Variants in FBXO36 observed in about 807,000 individuals in gnomAD.
The protein encoded by FBXO36 is F-box only protein 36.
FBXO36 carries 18 observed loss-of-function variants against 17.0 expected under a neutral mutation model. That is an observed-to-expected ratio of 1.06 (90% CI 0.73 to 1.57). The LOEUF is 1.57. Among genes scored for constraint, FBXO36 ranks in the 40% most tolerant of loss-of-function variants. The pLI is 0.00. For synonymous variants in FBXO36, 83 were observed against 85.3 expected, an observed-to-expected ratio of 0.97 and a Z score of 0.15; for missense variants, 229 against 221.9, an observed-to-expected ratio of 1.03 and a Z score of -0.20.
At chr2:229,961,900 G>T (rs867456609) in intron 1 of FBXO36, among the ~76,000 whole-genome samples, 7 of 152,036 alleles carry the variant, frequency 4.6e-5, no homozygotes, top group South Asian at 4.1e-4. Flanking sequence ...TAGGTTTTTG[G>T]CCAGGTATGG....
At chr2:230,009,682 C>T (rs1285186899) in intron 3 of FBXO36, among the ~76,000 whole-genome samples, 2 of 152,192 alleles carry the variant, frequency 1.3e-5, no homozygotes, top group African/African-American at 2.4e-5. Context: ...CGGTGGCTCA[C>T]GCCTGTAATC....
intron 1 of FBXO36, among the ~76,000 whole-genome samples, chr2:229,961,564 C>T (rs991591900): frequency 4.6e-5 from 7 of 151,936 alleles, no homozygotes; most frequent in African/African-American, 9.7e-5. Flanking sequence ...TTAGTAGAGA[C>T]GGGGTTTCAC....
At chr2:230,005,843 T>C (rs2077384488) in intron 3 of FBXO36, among the ~76,000 whole-genome samples, 1 of 152,098 alleles carries the variant, frequency 6.6e-6, no homozygotes, top group African/African-American at 2.4e-5. Flanking sequence ...AATTTTTGTA[T>C]TTTTAGTAGA....
intron 2 of FBXO36, among the ~76,000 whole-genome samples, chr2:229,979,999 A>G (rs2077229716): frequency 6.6e-6 from 1 of 152,144 alleles, no homozygotes; most frequent in African/African-American, 2.4e-5. Flanking sequence ...CTCACTATAA[A>G]GTAAACTTCC....
chr2:229,925,076 T>C lies in FBXO36; in HGVS notation c.96+2467T>C, dbSNP rs955438321. 4.6e-5 allele frequency among the ~76,000 whole-genome samples: 7 copies of C among 151,858 alleles called. No homozygotes were observed. In the East Asian group the frequency reaches 1.3e-3, roughly 29 times the overall value. Reference sequence around the variant, plus strand: ...ATCTTTCCCACCATCCCTTCAGTGTTCTTAATTTTTCTTTTTCTTTCTTTA... The same window carrying C: ...ATCTTTCCCACCATCCCTTCAGTGTCCTTAATTTTTCTTTTTCTTTCTTTA... On this transcript the variant is annotated intron_variant, in intron 1 of 3. Transcript: ENST00000283946.
At chr2:229,941,948 G>A (rs1034614274) in intron 1 of FBXO36, among the ~76,000 whole-genome samples, 12 of 151,926 alleles carry the variant, frequency 7.9e-5, no homozygotes, top group South Asian at 4.2e-4. Context: ...CCCAGGAGGC[G>A]GAGGTTGCAG....
intron 1 of FBXO36, among the ~76,000 whole-genome samples, chr2:229,953,722 G>A (rs973692502): frequency 1.3e-5 from 2 of 151,772 alleles, no homozygotes; most frequent in African/African-American, 4.8e-5. Flanking sequence ...GGGAAGGAGA[G>A]AGGAGGGAAA....
In FBXO36 at chr2:229,959,589, G is replaced by A. The variant is rs937686306; in HGVS notation, c.97-16652G>A. 1.3e-5 allele frequency among the ~76,000 whole-genome samples: 2 copies of A among 151,978 alleles called. 1 individual carries two copies. ...GGCTGGGCGCGGTGGCTCATGCCTGGAATCCGAGCACTTTGGGAGGCCGAG... is the reference window on the plus strand; with the variant it reads ...GGCTGGGCGCGGTGGCTCATGCCTGAAATCCGAGCACTTTGGGAGGCCGAG... On this transcript the variant is annotated intron_variant, in intron 1 of 3. Transcript: ENST00000283946.
At chr2:229,933,158 C>T (rs145789033) in intron 1 of FBXO36, among the ~76,000 whole-genome samples, 4 of 152,232 alleles carry the variant, frequency 2.6e-5, no homozygotes, top group South Asian at 2.1e-4. Flanking sequence ...TTTGGGAGGA[C>T]GAGGCGGGTG....
intron 1 of FBXO36, among the ~76,000 whole-genome samples, chr2:229,975,502 T>C (rs2077202800): frequency 1.3e-5 from 2 of 150,406 alleles, no homozygotes; most frequent in African/African-American, 2.4e-5. Context: ...AGGGTCTCAC[T>C]CTGTCACCCA....
rs1301062038 is a variant in FBXO36 at position 229,923,455 on chromosome 2, A to G, written c.96+846A>G. Among the ~76,000 whole-genome samples, 4 of 152,158 alleles carry G rather than the reference A, an allele frequency of 2.6e-5. No homozygotes were observed. The South Asian group carries it at 8.3e-4, about 32-fold the overall frequency. On this transcript the variant is annotated intron_variant, in intron 1 of 3. Transcript: ENST00000283946. ...GTTATTCATGCACCCTGCCCTTTCA[A>G]TAGATACTATTCCTATAAAATGAAA...
chr2:229,986,813 G>A (rs2077270836), intron 2 of FBXO36, among the ~76,000 whole-genome samples: 1 of 151,888 alleles, frequency 6.6e-6, no homozygotes, highest in African/African-American at 2.4e-5. Context: ...AGGATTATAG[G>A]TGTGAGCCAC....
At chr2:229,958,757 A>G (rs981329729) in intron 1 of FBXO36, among the ~76,000 whole-genome samples, 2 of 152,156 alleles carry the variant, frequency 1.3e-5, no homozygotes, top group Non-Finnish European at 2.9e-5. Flanking sequence ...TTCTTCCCAT[A>G]AAGCTTAGGG....
rs540151023 is a variant in FBXO36 at position 229,950,384 on chromosome 2, C to T, written c.97-25857C>T. On this transcript the variant is annotated intron_variant, in intron 1 of 3. Transcript: ENST00000283946. ...GAGGTTGCAGTGAGCCGAGATCACT[C>T]CACGGCACTCCAGACTGGGCAACAG... Among the ~76,000 whole-genome samples, 5 of 152,164 alleles carry T rather than the reference C, an allele frequency of 3.3e-5. No homozygotes were observed. In the South Asian group the frequency reaches 1.0e-3, roughly 32 times the overall value.
chr2:229,995,492 CATA>C (rs2077320341), intron 2 of FBXO36, among the ~76,000 whole-genome samples: 1 of 150,826 alleles, frequency 6.6e-6, no homozygotes, highest in Admixed American at 6.6e-5. Flanking sequence ...AAAAAAAAAT[CATA>C]ATAATTTTTA....
intron 1 of FBXO36, among the ~76,000 whole-genome samples, chr2:229,940,485 T>G (rs1021312837): frequency 6.6e-6 from 1 of 152,168 alleles, no homozygotes; most frequent in African/African-American, 2.4e-5. Flanking sequence ...TACATATATG[T>G]TAGGGGCCGA....
chr2:229,962,378 T>C (rs1320962589), intron 1 of FBXO36, among the ~76,000 whole-genome samples: 2 of 151,918 alleles, frequency 1.3e-5, no homozygotes, highest in Non-Finnish European at 2.9e-5. Flanking sequence ...TCATTAAGGC[T>C]GGAGTGCAGT....
chr2:229,949,080 G>A (rs920173447), intron 1 of FBXO36, among the ~76,000 whole-genome samples: 4 of 152,224 alleles, frequency 2.6e-5, no homozygotes, highest in South Asian at 2.1e-4. Flanking sequence ...TGATCCGCCC[G>A]CCTTGGCCTC....
intron 2 of FBXO36, among the ~76,000 whole-genome samples, chr2:229,983,236 G>C (rs1165283878): frequency 6.6e-6 from 1 of 152,000 alleles, no homozygotes; most frequent in Non-Finnish European, 1.5e-5. Context: ...TTAGCCAAGC[G>C]TGGTGGCTTA....
Sources: gnomAD v4.1 joint callset for allele counts (sites outside exome capture counted in the v4.1 genomes callset) on GRCh38, gnomAD v4.1.1 for gene constraint, MANE v1.5 for transcripts, NCBI Gene and HGNC (gene_info 2026-07-23, HGNC 2026-07-21) for gene names.